The following PPFIA2 variants were observed in gnomAD, a reference collection of about 807,000 sequenced individuals.
PPFIA2 encodes liprin-alpha-2.
A neutral mutation model predicts 175.5 loss-of-function variants in PPFIA2; 46 were observed. That is an observed-to-expected ratio of 0.26 (90% CI 0.21 to 0.34). PPFIA2 has a LOEUF of 0.34. Among genes scored for constraint, PPFIA2 ranks in the 10% least tolerant of loss-of-function variants. The pLI, the probability that PPFIA2 is intolerant of heterozygous loss-of-function variation, is 1.00. For missense variants in PPFIA2, 1,179 were observed against 1,506.1 expected, an observed-to-expected ratio of 0.78 and a Z score of 3.60; for synonymous variants, 568 against 511.4, an observed-to-expected ratio of 1.11 and a Z score of -1.49.
At chr12:81,729,912 G>T (rs528674884) in intron 3 of PPFIA2, among the ~76,000 whole-genome samples, 1 of 151,660 alleles carries the variant, frequency 6.6e-6, no homozygotes, top group East Asian at 2.0e-4. Flanking sequence ...CGCAAGGATT[G>T]AATTCAGCCA....
At chr12:81,627,610 A>T (rs1228624565) in intron 4 of PPFIA2, among the ~76,000 whole-genome samples, 2 of 152,172 alleles carry the variant, frequency 1.3e-5, no homozygotes, top group Non-Finnish European at 2.9e-5. Context: ...CAATGTAGAC[A>T]TTAATTTGTC....
intron 4 of PPFIA2, among the ~76,000 whole-genome samples, chr12:81,549,018 A>C (rs2067444329): frequency 6.6e-6 from 1 of 152,146 alleles, no homozygotes; most frequent in African/African-American, 2.4e-5. Flanking sequence ...AAGGAAGCTT[A>C]GTTTCCTGCA....
intron 4 of PPFIA2, among the ~76,000 whole-genome samples, chr12:81,659,901 A>T (rs1487005665): frequency 6.6e-6 from 1 of 152,030 alleles, no homozygotes; most frequent in Non-Finnish European, 1.5e-5. Flanking sequence ...GTTCACCAAT[A>T]TTCGATATTC....
chr12:81,732,810 C>T (rs2081094281), intron 3 of PPFIA2, among the ~76,000 whole-genome samples: 1 of 151,278 alleles, frequency 6.6e-6, no homozygotes, highest in Admixed American at 6.6e-5. Context: ...AGACCATCGA[C>T]CTAAATTGAA....
intron 9 of PPFIA2, 94 bp downstream of exon 9, chr12:81,383,929 T>A: frequency 1.0e-6 from 1 of 1,004,664 alleles, no homozygotes. Flanking sequence ...TTTTGAGAAG[T>A]AAAAAGTGTA....
At chr12:81,544,167 A>T (rs1298942283) in intron 4 of PPFIA2, among the ~76,000 whole-genome samples, 1 of 152,188 alleles carries the variant, frequency 6.6e-6, no homozygotes, top group East Asian at 1.9e-4. Context: ...GTGAGGGTAT[A>T]TGCTTTCTGT....
chr12:81,408,083 T>A (rs1285787454), intron 7 of PPFIA2, among the ~76,000 whole-genome samples: 1 of 152,096 alleles, frequency 6.6e-6, no homozygotes, highest in Non-Finnish European at 1.5e-5. Context: ...CTAAACCTGA[T>A]TAATTCAAAA....
At chr12:81,437,324 G>A (rs2049254527) in intron 7 of PPFIA2, among the ~76,000 whole-genome samples, 1 of 152,108 alleles carries the variant, frequency 6.6e-6, no homozygotes, top group South Asian at 2.1e-4. Context: ...CTGCCTCCAG[G>A]GTTCACGCCA....
intron 30 of PPFIA2, among the ~76,000 whole-genome samples, chr12:81,265,454 C>A (rs954116294): frequency 3.4e-4 from 51 of 152,088 alleles, no homozygotes; most frequent in African/African-American, 1.2e-3. Context: ...AGGGTTAATT[C>A]TTTTAATTGG....
intron 4 of PPFIA2, among the ~76,000 whole-genome samples, chr12:81,487,030 C>A (rs991311712): frequency 6.6e-6 from 1 of 151,780 alleles, no homozygotes; most frequent in African/African-American, 2.4e-5. Flanking sequence ...TTACATTTTG[C>A]AAAACACGGT....
At chr12:81,376,032 A>G (rs1348189771) in intron 9 of PPFIA2, 90 bp from the exon 10 acceptor site, 10 of 1,208,544 alleles carry the variant, frequency 8.3e-6, no homozygotes, top group Middle Eastern at 2.7e-4. Flanking sequence ...AAACATAAAA[A>G]CTATTGCATT....
At chr12:81,373,151 T>C (rs2035584322) in intron 11 of PPFIA2, among the ~76,000 whole-genome samples, 1 of 151,912 alleles carries the variant, frequency 6.6e-6, no homozygotes, top group South Asian at 2.1e-4. Flanking sequence ...TTGTAAATTG[T>C]GTTACTTGGG....
At chr12:81,497,843 T>C (rs1013603924) in intron 4 of PPFIA2, among the ~76,000 whole-genome samples, 1 of 152,114 alleles carries the variant, frequency 6.6e-6, no homozygotes, top group Admixed American at 6.6e-5. Flanking sequence ...CTGACCCTCA[T>C]AGTTGTCTTT....
Position 81,413,601 on chromosome 12 carries a change from T to C in PPFIA2, c.646-7698A>G, listed in dbSNP as rs2044390806. Among the ~76,000 whole-genome samples the C allele has an allele frequency of 2.6e-5, 4 of 151,696 alleles. No individual in the cohort carries two copies. In the Admixed American group the frequency reaches 2.6e-4, roughly 10 times the overall value. ...ACAGTTTAATGAAAGTCATCAAGAGTTGTTTTGTAAACTCAAAGTAATAGG... is the reference window on the plus strand; with the variant it reads ...ACAGTTTAATGAAAGTCATCAAGAGCTGTTTTGTAAACTCAAAGTAATAGG... On this transcript the variant is annotated intron_variant, in intron 7 of 32. Coordinates refer to ENST00000549396, the MANE Select transcript of PPFIA2 (RefSeq NM_003625.5).
At chr12:81,471,497 A>G (rs1198226772) in intron 4 of PPFIA2, among the ~76,000 whole-genome samples, 2 of 149,874 alleles carry the variant, frequency 1.3e-5, no homozygotes, top group Non-Finnish European at 3.0e-5. Flanking sequence ...AAGGGTGAAT[A>G]ATTTTCTATT....
intron 3 of PPFIA2, among the ~76,000 whole-genome samples, chr12:81,680,318 C>T (rs1435481061): frequency 6.6e-6 from 1 of 151,864 alleles, no homozygotes; most frequent in Non-Finnish European, 1.5e-5. Flanking sequence ...ACATTAATGC[C>T]ATAATAAACT....
Position 81,258,687 on chromosome 12 carries a change from T to G in PPFIA2, c.*1007A>C, listed in dbSNP as rs1277142555. The G allele has an allele frequency of 6.6e-6, 1 of 152,116 alleles. No homozygotes were observed. Among genetic ancestry groups the G allele is most frequent in the East Asian group, 1.9e-4 (1 of 5,172 alleles). 9.4% of individuals were successfully genotyped at this position (152,116 alleles called of 1,614,324 possible). A position where few individuals can be genotyped will look rare whatever the true frequency, so the allele number is the denominator to read the frequency against. ...GGCTAAAAGCTTATAACATTAGACA[T>G]GAGTCTGGCTAATGCCCTGTTACAT... On this transcript the variant is annotated 3_prime_UTR_variant, in exon 33 of 33. Transcript: ENST00000549396.
At chr12:81,638,084 A>T (rs988210683) in intron 4 of PPFIA2, among the ~76,000 whole-genome samples, 2 of 152,146 alleles carry the variant, frequency 1.3e-5, no homozygotes, top group Admixed American at 6.5e-5. Flanking sequence ...TTTGAAATTT[A>T]TACATCACTA....
At chr12:81,384,754 C>T (rs1522322) in intron 8 of PPFIA2, among the ~76,000 whole-genome samples, 29,286 of 151,900 alleles carry the variant, frequency 0.19, 2,940 homozygotes, top group African/African-American at 0.23. Flanking sequence ...AAAGATTATT[C>T]CTGCTGTGAA....
Sources: gnomAD v4.1 joint callset for allele counts (sites outside exome capture counted in the v4.1 genomes callset) on GRCh38, gnomAD v4.1.1 for gene constraint, MANE v1.5 for transcripts, NCBI Gene and HGNC (gene_info 2026-07-23, HGNC 2026-07-21) for gene names.